STXBP5L: variants seen among roughly 807,000 people sequenced by gnomAD.
STXBP5L encodes the protein syntaxin-binding protein 5-like.
A neutral mutation model predicts 144.5 loss-of-function variants in STXBP5L; 65 were observed. The ratio of observed to expected loss-of-function variants is 0.45; its 90% CI spans 0.37 to 0.55. STXBP5L has a LOEUF of 0.55. STXBP5L is among the 20% of genes least tolerant of loss of function. The pLI, the probability that STXBP5L is intolerant of heterozygous loss-of-function variation, is 0.00. For missense variants in STXBP5L, 1,298 were observed against 1,405.5 expected, an observed-to-expected ratio of 0.92 and a Z score of 1.22; for synonymous variants, 505 against 469.6, an observed-to-expected ratio of 1.08 and a Z score of -0.97.
intron 9 of STXBP5L, among the ~76,000 whole-genome samples, chr3:121,192,750 G>A (rs1057288943): frequency 3.9e-5 from 6 of 152,158 alleles, no homozygotes; most frequent in Non-Finnish European, 8.8e-5. Flanking sequence ...AAATGGTGCT[G>A]GGAAAACTGG....
At chr3:121,418,590 T>C in intron 26 of STXBP5L, 33 bp downstream of exon 26, 1 of 1,599,962 alleles carries the variant, frequency 6.3e-7, no homozygotes, top group South Asian at 1.1e-5. Context: ...GACATCTTCA[T>C]ACAGGAGTAA....
chr3:121,006,644 A>C (rs1208471100), intron 3 of STXBP5L, among the ~76,000 whole-genome samples: 14 of 152,024 alleles, frequency 9.2e-5, no homozygotes, highest in African/African-American at 3.1e-4. Flanking sequence ...TCTTCCTAGT[A>C]TCAATGGTCT....
intron 21 of STXBP5L, among the ~76,000 whole-genome samples, chr3:121,379,815 T>G (rs1286485501): frequency 1.3e-5 from 2 of 152,154 alleles, no homozygotes; most frequent in African/African-American, 2.4e-5. Flanking sequence ...GTAATGATTA[T>G]AAAAGAAGTA....
chr3:121,145,251 A>G (rs1190911280), intron 7 of STXBP5L, among the ~76,000 whole-genome samples: 1 of 151,910 alleles, frequency 6.6e-6, no homozygotes, highest in Admixed American at 6.6e-5. Flanking sequence ...ACATTAAAAA[A>G]TAATTAATTA....
At chr3:121,189,173 C>T (rs1294380736) in intron 9 of STXBP5L, among the ~76,000 whole-genome samples, 4 of 152,138 alleles carry the variant, frequency 2.6e-5, no homozygotes, top group Non-Finnish European at 5.9e-5. Context: ...CTTTAAGTTT[C>T]CTATTCACTG....
chr3:121,346,071 AT>A (rs1239585249), intron 20 of STXBP5L, among the ~76,000 whole-genome samples: 1 of 151,866 alleles, frequency 6.6e-6, no homozygotes, highest in Non-Finnish European at 1.5e-5. Flanking sequence ...ATCATTTAGC[AT>A]TAGGTATATC....
At chr3:120,976,279 G>A (rs1371052405) in intron 3 of STXBP5L, among the ~76,000 whole-genome samples, 1 of 152,154 alleles carries the variant, frequency 6.6e-6, no homozygotes, top group Admixed American at 6.5e-5. Context: ...TTGGGAGGGT[G>A]TATGTGTCCA....
intron 3 of STXBP5L, among the ~76,000 whole-genome samples, chr3:121,023,767 A>G (rs1945727343): frequency 6.6e-6 from 1 of 152,144 alleles, no homozygotes; most frequent in Non-Finnish European, 1.5e-5. Context: ...ACCTGACACC[A>G]TAAAAATTCT....
intron 9 of STXBP5L, among the ~76,000 whole-genome samples, chr3:121,192,650 G>T (rs1190678598): frequency 6.6e-6 from 1 of 151,972 alleles, no homozygotes; most frequent in Non-Finnish European, 1.5e-5. Context: ...CAGAACAGAG[G>T]CCTCAGAAAT....
At chr3:120,953,502 C>CTTT (rs758605593) in intron 2 of STXBP5L, among the ~76,000 whole-genome samples, 16 of 132,108 alleles carry the variant, frequency 1.2e-4, no homozygotes, top group Admixed American at 9.2e-4. Context: ...TGAATTTTTC[C>CTTT]TTTTTTTTTT....
chr3:121,002,226 T>C (rs1943839981), intron 3 of STXBP5L, among the ~76,000 whole-genome samples: 2 of 152,170 alleles, frequency 1.3e-5, no homozygotes, highest in African/African-American at 4.8e-5. Context: ...ATCTTTCTTC[T>C]CTTTGATAAT....
intron 5 of STXBP5L, among the ~76,000 whole-genome samples, chr3:121,094,295 G>A (rs1006844701): frequency 6.6e-6 from 1 of 152,140 alleles, no homozygotes; most frequent in Non-Finnish European, 1.5e-5. Context: ...GGTCCGCTTG[G>A]TGCAGAGCTG....
chr3:120,927,859 G>C (rs1011464152), intron 2 of STXBP5L, among the ~76,000 whole-genome samples: 2 of 152,030 alleles, frequency 1.3e-5, no homozygotes, highest in African/African-American at 4.8e-5. Flanking sequence ...AACAATTTCT[G>C]TCTTCATACA....
intron 20 of STXBP5L, among the ~76,000 whole-genome samples, chr3:121,366,606 C>A (rs983834661): frequency 6.6e-6 from 1 of 152,040 alleles, no homozygotes; most frequent in East Asian, 1.9e-4. Context: ...TTTCTCCATC[C>A]TTTCACTTTC....
chr3:120,984,734 T>C (rs868787446), intron 3 of STXBP5L, among the ~76,000 whole-genome samples: 1 of 151,358 alleles, frequency 6.6e-6, no homozygotes, highest in Non-Finnish European at 1.5e-5. Flanking sequence ...TTTCTTATTG[T>C]TGATTTTAAA....
chr3:121,314,821 A>G (rs2043722833), intron 19 of STXBP5L, among the ~76,000 whole-genome samples: 1 of 152,232 alleles, frequency 6.6e-6, no homozygotes, highest in South Asian at 2.1e-4. Context: ...AAAAATGGGC[A>G]AAGGATATGA....
chr3:121,208,416 G>A (rs1339430332), intron 10 of STXBP5L, among the ~76,000 whole-genome samples: 2 of 151,972 alleles, frequency 1.3e-5, no homozygotes, highest in African/African-American at 2.4e-5. Flanking sequence ...ACACCAACAT[G>A]GTGCATGTAT....
intron 3 of STXBP5L, among the ~76,000 whole-genome samples, chr3:120,984,416 C>T (rs1942090768): frequency 6.6e-6 from 1 of 152,058 alleles, no homozygotes; most frequent in African/African-American, 2.4e-5. Context: ...GATGCCAGGG[C>T]ATCTACTATT....
intron 5 of STXBP5L, among the ~76,000 whole-genome samples, chr3:121,075,325 T>C (rs1291280012): frequency 1.3e-5 from 2 of 152,170 alleles, no homozygotes; most frequent in African/African-American, 2.4e-5. Context: ...TGGTTTTGCC[T>C]AGCTAGTCCT....
Sources: allele counts gnomAD v4.1 joint callset (sites outside exome capture counted in the v4.1 genomes callset), GRCh38; gene constraint gnomAD v4.1.1; transcripts MANE v1.5; gene names NCBI Gene and HGNC (gene_info 2026-07-23, HGNC 2026-07-21).